RFX2: variants seen among roughly 807,000 people sequenced by gnomAD.
RFX2 encodes regulatory factor X2.
Under a neutral mutation model 87.8 loss-of-function variants are expected in RFX2, and 20 were observed. The observed-to-expected ratio is 0.23, with a 90% CI of 0.16 to 0.33. The LOEUF (loss-of-function observed/expected upper bound fraction) is 0.33, where lower values mean the gene tolerates loss of function less well. RFX2 is among the 10% of genes least tolerant of loss of function. The pLI is 1.00. For synonymous variants in RFX2, 397 were observed against 431.3 expected, an observed-to-expected ratio of 0.92 and a Z score of 0.98; for missense variants, 767 against 1,012.3, an observed-to-expected ratio of 0.76 and a Z score of 3.29.
intron 1 of RFX2, among the ~76,000 whole-genome samples, chr19:6,090,125 C>T (rs1265720262): frequency 6.6e-6 from 1 of 152,026 alleles, no homozygotes; most frequent in Non-Finnish European, 1.5e-5. Context: ...CCACACCTGG[C>T]TATTTTTGCA....
intron 5 of RFX2, among the ~76,000 whole-genome samples, chr19:6,036,153 G>A (rs1032097031): frequency 3.9e-5 from 6 of 152,176 alleles, no homozygotes; most frequent in African/African-American, 1.2e-4. Context: ...TGTAGTCTGC[G>A]AGGAAAGCTT....
At chr19:6,028,707 TA>T (rs1010481428) in intron 5 of RFX2, among the ~76,000 whole-genome samples, 2,851 of 143,674 alleles carry the variant, frequency 0.02, 59 homozygotes, top group African/African-American at 0.062. Context: ...AACCCTTAAT[TA>T]AAAAAAAAAA....
At chr19:6,106,191 G>A (rs774395132) in intron 1 of RFX2, among the ~76,000 whole-genome samples, 1 of 151,938 alleles carries the variant, frequency 6.6e-6, no homozygotes, top group Non-Finnish European at 1.5e-5. Context: ...GTGGTTTTCA[G>A]TTTTTTCTCT....
At chr19:6,097,498 G>A (rs17271924) in intron 1 of RFX2, among the ~76,000 whole-genome samples, 11,139 of 152,062 alleles carry the variant, frequency 0.073, 439 homozygotes, top group Middle Eastern at 0.1. Context: ...CAATTCCACC[G>A]GGCTTTTACA....
intron 12 of RFX2, among the ~76,000 whole-genome samples, chr19:6,005,081 C>A (rs1229006105): frequency 2.6e-5 from 4 of 151,974 alleles, no homozygotes; most frequent in Non-Finnish European, 5.9e-5. Context: ...TGCAATCCAG[C>A]CTGAGTGACA....
In RFX2 at chr19:6,026,720, C is replaced by T. The variant is rs2086893327; in HGVS notation, c.523-483G>A. 1 of 172,804 alleles carries T rather than the reference C, an allele frequency of 5.8e-6. No individual in the cohort carries two copies. The highest frequency in any genetic ancestry group is 2.4e-5 in the African/African-American group (1 of 41,606). The allele number at this position is 172,804 out of a possible 1,614,324, so 10.7% of individuals were successfully genotyped here. A position where few individuals can be genotyped will look rare whatever the true frequency, so the allele number is the denominator to read the frequency against. ...CGCAAATCCCAGGGTCTCCCCGCTG[C>T]TGGAGGCTTTGGGAAAATAGCAGCG... is the stretch of plus-strand genomic sequence containing the variant. On this transcript the variant is annotated intron_variant, in intron 5 of 17. Transcript: ENST00000303657. The surrounding 1 kb of genome is among the most constrained non-coding windows in gnomAD (Gnocchi z 4.5).
At position 6,047,574 on chromosome 19, in the gene RFX2, A is replaced by G; in HGVS notation, c.-8-70T>C. On this transcript the variant is annotated intron_variant, in intron 1 of 17. Coordinates refer to ENST00000303657, the MANE Select transcript of RFX2 (RefSeq NM_000635.4). The surrounding 1 kb of genome is among the most constrained non-coding windows in gnomAD (Gnocchi z 4.2). ...ACTGAAATCCGAAGAGGCAACTAACAAGTTCAAGGGAGGGAAGGAGTAACC... is the reference window on the plus strand; with the variant it reads ...ACTGAAATCCGAAGAGGCAACTAACGAGTTCAAGGGAGGGAAGGAGTAACC... 1 of 1,250,802 alleles carries G rather than the reference A, an allele frequency of 8.0e-7. No individual in the cohort carries two copies. Among genetic ancestry groups the G allele is most frequent in the Admixed American group, 2.0e-5 (1 of 49,778 alleles). The allele number at this position is 1,250,802 out of a possible 1,614,324, so 77.5% of individuals were successfully genotyped here.
intron 1 of RFX2, among the ~76,000 whole-genome samples, chr19:6,077,442 G>T (rs889667851): frequency 6.6e-6 from 1 of 152,176 alleles, no homozygotes; most frequent in Non-Finnish European, 1.5e-5. Flanking sequence ...AGGGGCGTGT[G>T]CCTCTGCAGG....
chr19:6,000,112 G>A (rs2086471605), intron 15 of RFX2, among the ~76,000 whole-genome samples: 1 of 151,956 alleles, frequency 6.6e-6, no homozygotes, highest in South Asian at 2.1e-4. Context: ...AGCCTCCCAA[G>A]TAGCTGGGAT....
rs542389969 is a variant in RFX2 at position 6,002,564 on chromosome 19, G to A, written c.1650+157C>T. ...GATGGAGTGGAGAGAGCTGGGGGCT[G>A]TGGGTGGGCTTTGGCCTGGGACCCG... is the stretch of plus-strand genomic sequence containing the variant. On this transcript the variant is annotated intron_variant, in intron 14 of 17. Transcript: ENST00000303657. This position sits in a 1 kb window ranked among gnomAD's most constrained non-coding sequence, Gnocchi z 6.7. Among the ~76,000 whole-genome samples, 9 of 152,366 alleles carry A rather than the reference G, an allele frequency of 5.9e-5. No homozygotes were observed. Among genetic ancestry groups the A allele is most frequent in the Admixed American group, 5.9e-4 (9 of 15,306 alleles).
At chr19:6,098,214 T>G (rs1302072626) in intron 1 of RFX2, among the ~76,000 whole-genome samples, 3 of 152,164 alleles carry the variant, frequency 2.0e-5, no homozygotes. Flanking sequence ...AAAAGAACTT[T>G]GCTACCCCTG....
Position 6,026,188 on chromosome 19 carries a change from T to C in RFX2, c.572A>G (p.His191Arg), listed in dbSNP as rs752061625. The C allele has an allele frequency of 6.2e-7, 1 of 1,613,904 alleles. No homozygotes were observed. Among genetic ancestry groups the C allele is most frequent in the Non-Finnish European group, 8.5e-7 (1 of 1,179,986 alleles). ...NLQKSEGITSHKSGLLNSHLQ... is the reference protein window; with the variant it reads ...NLQKSEGITSRKSGLLNSHLQ... ...ATGGCTGTTGAGTAAACCGCTTTTG[T>C]GTGATGTGATTCCTTCGCTTTTTTG... Residue 191 changes from histidine (H) to arginine (R), a missense_variant, in exon 6 of 18, where the codon CAC becomes CGC. Coordinates refer to ENST00000303657, the MANE Select transcript of RFX2 (RefSeq NM_000635.4). The surrounding 1 kb of genome is among the most constrained non-coding windows in gnomAD (Gnocchi z 4.5).
intron 9 of RFX2, 157 bp from the exon 10 acceptor site, chr19:6,008,381 T>C (rs868298510): frequency 2.5e-5 from 12 of 476,036 alleles, no homozygotes; most frequent in African/African-American, 1.6e-4. Flanking sequence ...TTTTCTTTTT[T>C]TTTTTTTTGG....
At chr19:6,058,412 A>G (rs1010966395) in intron 1 of RFX2, among the ~76,000 whole-genome samples, 1 of 152,216 alleles carries the variant, frequency 6.6e-6, no homozygotes, top group African/African-American at 2.4e-5. Flanking sequence ...CAGGAAGATG[A>G]AAAAGGAGAG....
At chr19:6,015,992 C>T in intron 7 of RFX2, 98 bp downstream of exon 7, 1 of 1,237,118 alleles carries the variant, frequency 8.1e-7, no homozygotes, top group Non-Finnish European at 1.1e-6. Flanking sequence ...GCGAATCAGG[C>T]CACCTGGAAA....
In RFX2 at chr19:6,104,335, T is replaced by G. The variant is rs1169872753; in HGVS notation, c.-9+6058A>C. Among the ~76,000 whole-genome samples the G allele has an allele frequency of 3.3e-5, 5 of 151,640 alleles. No individual in the cohort carries two copies. In the East Asian group the frequency reaches 9.7e-4, roughly 29 times the overall value. Reference sequence around the variant, plus strand: ...CTGTAATCCCAGCACTTTGGGAGGCTGAGGTGGGCGGATCATGAGGTCAGG... The same window carrying G: ...CTGTAATCCCAGCACTTTGGGAGGCGGAGGTGGGCGGATCATGAGGTCAGG... On this transcript the variant is annotated intron_variant, in intron 1 of 17. Transcript: ENST00000303657.
At chr19:6,015,993 C>T in intron 7 of RFX2, 97 bp downstream of exon 7, 2 of 1,244,942 alleles carry the variant, frequency 1.6e-6, no homozygotes, top group East Asian at 2.5e-5. Flanking sequence ...CGAATCAGGC[C>T]ACCTGGAAAG....
chr19:6,021,585 C>T lies in RFX2; in HGVS notation c.597+4578G>A, dbSNP rs2086811062. On this transcript the variant is annotated intron_variant, in intron 6 of 17. Coordinates refer to ENST00000303657, the MANE Select transcript of RFX2 (RefSeq NM_000635.4). This position sits in a 1 kb window ranked among gnomAD's most constrained non-coding sequence, Gnocchi z 5.7. ...AAGACTCAGAGGAGGTGAGGGGGAG[C>T]CTGGGGAAGAGAGCTTCAGGCAGAG... is the stretch of plus-strand genomic sequence containing the variant. Among the ~76,000 whole-genome samples, 1 of 152,076 alleles carries T rather than the reference C, an allele frequency of 6.6e-6. No individual in the cohort carries two copies. Among genetic ancestry groups the T allele is most frequent in the South Asian group, 2.1e-4 (1 of 4,822 alleles).
intron 1 of RFX2, among the ~76,000 whole-genome samples, chr19:6,107,299 C>T (rs886072529): frequency 3.3e-5 from 5 of 149,748 alleles, no homozygotes; most frequent in Admixed American, 6.7e-5. Flanking sequence ...CTGTCTCAAA[C>T]AAACAAACAA....
Sources: gnomAD v4.1 joint callset for allele counts (sites outside exome capture counted in the v4.1 genomes callset) on GRCh38, gnomAD v4.1.1 for gene constraint, Gnocchi (gnomAD v3.1) non-coding constraint, MANE v1.5 for transcripts, NCBI Gene and HGNC (gene_info 2026-07-23, HGNC 2026-07-21) for gene names.